Variants in RSRC1 observed in about 807,000 individuals in gnomAD.
RSRC1 encodes the protein serine/Arginine-related protein 53.
In RSRC1, 39 loss-of-function variants were observed where a neutral mutation model predicts 49.1. That is an observed-to-expected ratio of 0.79 (90% CI 0.61 to 1.04). RSRC1 has a LOEUF of 1.04. Among genes scored for constraint, RSRC1 ranks in the 50% least tolerant of loss-of-function variants. The pLI, the probability that RSRC1 is intolerant of heterozygous loss-of-function variation, is 0.00. For synonymous variants in RSRC1, 143 were observed against 130.8 expected, an observed-to-expected ratio of 1.09 and a Z score of -0.63; for missense variants, 388 against 402.4, an observed-to-expected ratio of 0.96 and a Z score of 0.31.
chr3:158,122,215 A>G lies in RSRC1; in HGVS notation c.111A>G (p.Arg37=). 3 of 1,607,904 alleles carry G rather than the reference A, an allele frequency of 1.9e-6. No individual in the cohort carries two copies. The South Asian group carries it at 3.3e-5, about 18-fold the overall frequency. Residue 37 remains arginine, a synonymous_variant, in exon 2 of 10, where the codon CGA becomes CGG. Transcript: ENST00000611884. The part of the protein sequence containing the change: ...SSSSDSRTYS[R]KKGGRKSRSK... ...CTTCAGATAGTAGAACATACAGCCG[A>G]AAGAAAGGAGGAAGGAAATCAAGAT...
At chr3:158,191,145 G>A (rs558396687) in intron 3 of RSRC1, among the ~76,000 whole-genome samples, 3 of 151,762 alleles carry the variant, frequency 2.0e-5, no homozygotes, top group East Asian at 1.9e-4. Context: ...CCAAGCCACC[G>A]GTGGACACCT....
chr3:158,163,893 GAATA>G (rs890181125), intron 3 of RSRC1, among the ~76,000 whole-genome samples: 1 of 151,848 alleles, frequency 6.6e-6, no homozygotes, highest in Non-Finnish European at 1.5e-5. Flanking sequence ...GAACGTAGAA[GAATA>G]AATGAATGAA....
In RSRC1 at chr3:158,203,225, A is replaced by G. The variant is rs1320998609; in HGVS notation, c.474A>G (p.Glu158=). ...EKEKDKGKDK[E]LHNIKRGESG... is the part of the protein sequence containing the mutation. ...AGAAGGATAAAGGGAAGGACAAGGA[A>G]TTACATAACATCAAACGTGGGTAAG... Residue 158 remains glutamate (E), a synonymous_variant, in exon 4 of 10, where the codon GAA becomes GAG. Coordinates refer to ENST00000611884, the MANE Select transcript of RSRC1 (RefSeq NM_001271838.2). 6.3e-7 allele frequency: 1 copy of G among 1,595,980 alleles called. No individual in the cohort carries two copies. Among genetic ancestry groups the G allele is most frequent in the Middle Eastern group, 1.7e-4 (1 of 6,042 alleles).
At chr3:158,416,005 G>A (rs1734718584) in intron 6 of RSRC1, among the ~76,000 whole-genome samples, 1 of 151,876 alleles carries the variant, frequency 6.6e-6, no homozygotes, top group African/African-American at 2.4e-5. Context: ...TTCAGAATAT[G>A]TGGCTACATT....
chr3:158,242,031 C>T (rs981692369), intron 4 of RSRC1, among the ~76,000 whole-genome samples: 2 of 77,486 alleles, frequency 2.6e-5, no homozygotes, highest in African/African-American at 1.1e-4. Context: ...TAATTTCCAA[C>T]CTTTTTTTTT....
In RSRC1 at chr3:158,451,035, A is replaced by G. The variant is rs542715951; in HGVS notation, c.584-9900A>G. On this transcript the variant is annotated intron_variant, in intron 6 of 9. Transcript: ENST00000611884. ...TAGTAATTATATTTCCTTGAGTTCA[A>G]AATTTTTCTGCTTTTCTCAGTCAAG... is the stretch of plus-strand genomic sequence containing the variant. Among the ~76,000 whole-genome samples, 11 of 151,944 alleles carry G rather than the reference A, an allele frequency of 7.2e-5. No homozygotes were observed. The South Asian group carries it at 2.3e-3, about 31-fold the overall frequency.
At chr3:158,457,749 T>TTTTG (rs200844665) in intron 6 of RSRC1, among the ~76,000 whole-genome samples, 19,486 of 148,628 alleles carry the variant, frequency 0.13, 1,170 homozygotes, top group South Asian at 0.17. Context: ...TGTTTTTTTT[T>TTTTG]TTTGTTTGTT....
chr3:158,336,163 G>T (rs1363949664), intron 5 of RSRC1, among the ~76,000 whole-genome samples: 3 of 152,252 alleles, frequency 2.0e-5, no homozygotes, highest in African/African-American at 7.2e-5. Flanking sequence ...TGCTGCGGTT[G>T]TCCTCTGGGT....
chr3:158,153,814 T>C (rs577800970), intron 3 of RSRC1, among the ~76,000 whole-genome samples: 1 of 139,788 alleles, frequency 7.2e-6, no homozygotes, highest in African/African-American at 2.8e-5. Context: ...TTTGAGAGTC[T>C]TGATTGTTAT....
chr3:158,470,821 G>GA (rs35849282), intron 7 of RSRC1, among the ~76,000 whole-genome samples: 7 of 151,450 alleles, frequency 4.6e-5, no homozygotes, highest in East Asian at 1.9e-4. Flanking sequence ...CCAACGCCAA[G>GA]AAAAAAAAAT....
At chr3:158,237,991 C>G (rs1280165887) in intron 4 of RSRC1, among the ~76,000 whole-genome samples, 2 of 152,154 alleles carry the variant, frequency 1.3e-5, no homozygotes, top group Admixed American at 1.3e-4. Flanking sequence ...CTAAAATCTC[C>G]TTAAGCTGAT....
intron 3 of RSRC1, among the ~76,000 whole-genome samples, chr3:158,150,001 A>C (rs1717425791): frequency 6.6e-6 from 1 of 152,152 alleles, no homozygotes; most frequent in Non-Finnish European, 1.5e-5. Context: ...AATATTCTAC[A>C]TCTCTGTTAA....
chr3:158,512,070 G>A (rs1045626972), intron 7 of RSRC1, among the ~76,000 whole-genome samples: 4 of 144,558 alleles, frequency 2.8e-5, no homozygotes, highest in Non-Finnish European at 4.6e-5. Context: ...TTTGTAGGTT[G>A]CCTGTTCACT....
At chr3:158,506,679 G>T (rs1212395158) in intron 7 of RSRC1, among the ~76,000 whole-genome samples, 3 of 151,632 alleles carry the variant, frequency 2.0e-5, no homozygotes, top group Non-Finnish European at 4.4e-5. Context: ...ATTAGTGGTT[G>T]CTGGCAAGGA....
Position 158,195,615 on chromosome 3 carries a change from G to T in RSRC1, c.321-7457G>T, listed in dbSNP as rs189108669. 5.1e-3 allele frequency among the ~76,000 whole-genome samples: 776 copies of T among 152,224 alleles called. 12 individuals are homozygous for T. The highest frequency in any genetic ancestry group is 0.018 in the African/African-American group (738 of 41,546). ...TGGTATTGCCTAGGTTTTTTCTAGG[G>T]TTTTTATGGTTTTAGGTCTAAGATT... On this transcript the variant is annotated intron_variant, in intron 3 of 9. Coordinates refer to ENST00000611884, the MANE Select transcript of RSRC1 (RefSeq NM_001271838.2).
chr3:158,412,798 T>C (rs540315375), intron 6 of RSRC1, among the ~76,000 whole-genome samples: 1 of 152,090 alleles, frequency 6.6e-6, no homozygotes, highest in African/African-American at 2.4e-5. Flanking sequence ...ACAAAAACTT[T>C]AAAAAGTTTC....
At chr3:158,357,654 G>A (rs1262509769) in intron 6 of RSRC1, among the ~76,000 whole-genome samples, 1 of 148,904 alleles carries the variant, frequency 6.7e-6, no homozygotes. Flanking sequence ...TTAAAAATAA[G>A]CAAATAAATA....
intron 4 of RSRC1, among the ~76,000 whole-genome samples, chr3:158,290,487 G>A (rs978169687): frequency 6.6e-6 from 1 of 152,068 alleles, no homozygotes; most frequent in African/African-American, 2.4e-5. Context: ...GTGTTAGCCA[G>A]GATGGTCTCG....
chr3:158,327,772 A>C (rs1160979813), intron 5 of RSRC1, among the ~76,000 whole-genome samples: 1 of 151,542 alleles, frequency 6.6e-6, no homozygotes, highest in Non-Finnish European at 1.5e-5. Flanking sequence ...GCTGAGTTCA[A>C]TTCCTGGATA....
Sources: gnomAD v4.1 joint callset for allele counts (sites outside exome capture counted in the v4.1 genomes callset) on GRCh38, gnomAD v4.1.1 for gene constraint, MANE v1.5 for transcripts, NCBI Gene and HGNC (gene_info 2026-07-23, HGNC 2026-07-21) for gene names.